ITIH6: variants seen among roughly 807,000 people sequenced by gnomAD.
ITIH6 encodes the protein inter-alpha-trypsin inhibitor heavy chain family member 6.
In ITIH6, 60 loss-of-function variants were observed where a neutral mutation model predicts 58.2. The observed-to-expected ratio is 1.03, with a 90% CI of 0.84 to 1.28. The LOEUF (loss-of-function observed/expected upper bound fraction) is 1.28, where lower values mean the gene tolerates loss of function less well. Among genes scored for constraint, ITIH6 ranks in the 50% most tolerant of loss-of-function variants. The probability of loss-of-function intolerance (pLI) is 0.00; values close to 1 mark genes in which losing one functional copy is unlikely to be tolerated. For missense variants in ITIH6, 1,290 were observed against 1,021.1 expected, an observed-to-expected ratio of 1.26 and a Z score of -3.59; for synonymous variants, 493 against 417.4, an observed-to-expected ratio of 1.18 and a Z score of -2.21.
intron 6 of ITIH6, among the ~76,000 whole-genome samples, chrX:54,761,756 G>T (rs1872023445): frequency 9.0e-6 from 1 of 110,881 alleles, no homozygotes; most frequent in African/African-American, 3.3e-5. Context: ...GTAGATGTGT[G>T]GTATTATTTC....
At chrX:54,767,356 A>AT (rs1200753667) in intron 6 of ITIH6, among the ~76,000 whole-genome samples, 9 of 107,580 alleles carry the variant, frequency 8.4e-5, no homozygotes, top group Admixed American at 2.0e-4. Flanking sequence ...GGATTCATTG[A>AT]TTTTTTGAAG....
Position 54,749,837 on chromosome X carries a change from T to C in ITIH6, c.*58A>G. The C allele has an allele frequency of 9.6e-7, 1 of 1,039,185 alleles. No homozygotes were observed. Among genetic ancestry groups the C allele is most frequent in the South Asian group, 2.2e-5 (1 of 46,426 alleles). The allele number at this position is 1,039,185 out of a possible 1,213,427, so 85.6% of individuals were successfully genotyped here. A position where few individuals can be genotyped will look rare whatever the true frequency, so the allele number is the denominator to read the frequency against. On this transcript the variant is annotated 3_prime_UTR_variant, in exon 13 of 13. Transcript: ENST00000218436. ...GGGTCTCTGTCCCTGGCTCACCCCA[T>C]GCCCTGGTTTCTGGATCTCCCAAAT...
intron 5 of ITIH6, among the ~76,000 whole-genome samples, chrX:54,775,444 C>T (rs1465733704): frequency 4.5e-5 from 5 of 110,394 alleles, no homozygotes; most frequent in Admixed American, 1.9e-4. Flanking sequence ...TGATTGCCCA[C>T]CCCACCCTTC....
intron 2 of ITIH6, among the ~76,000 whole-genome samples, chrX:54,792,386 T>C (rs1247743502): frequency 8.9e-6 from 1 of 111,936 alleles, no homozygotes; most frequent in Non-Finnish European, 1.9e-5. Context: ...AACCGAATAT[T>C]TTTATTATAA....
chrX:54,790,542 A>G (rs1346896800), intron 4 of ITIH6, among the ~76,000 whole-genome samples: 6 of 110,536 alleles, frequency 5.4e-5, no homozygotes, highest in Non-Finnish European at 1.1e-4. Context: ...CATATGATTT[A>G]ATTTCATTAG....
At position 54,758,141 on chromosome X, in the gene ITIH6, C is replaced by A. The variant is rs757787153; in HGVS notation, c.1933G>T (p.Val645Leu). 8.3e-7 allele frequency: 1 copy of A among 1,211,730 alleles called. No individual in the cohort carries two copies. The highest frequency in any genetic ancestry group is 1.8e-5 in the South Asian group (1 of 56,959). Residue 645 changes from valine to leucine, a missense_variant, in exon 8 of 13, where the codon GTA becomes TTA. Coordinates refer to ENST00000218436, the MANE Select transcript of ITIH6 (RefSeq NM_198510.3). ...PSSSSRHGLG[V>L]STAQPALVPK... is the part of the protein sequence containing the mutation. The stretch of plus-strand genomic sequence containing the variant: ...ACCAAGGCTGGCTGAGCTGTGCTTA[C>A]CCCTAGGCCATGCCTGCTGCTGGAT...
chrX:54,783,940 G>A (rs1929195793), intron 5 of ITIH6, among the ~76,000 whole-genome samples: 1 of 111,651 alleles, frequency 9.0e-6, no homozygotes. Flanking sequence ...CAAATTATAC[G>A]GCAGAGCTAT....
intron 5 of ITIH6, among the ~76,000 whole-genome samples, chrX:54,777,565 C>T (rs745521500): frequency 1.8e-5 from 2 of 112,102 alleles, no homozygotes; most frequent in Non-Finnish European, 3.8e-5. Flanking sequence ...CACAGGAGTG[C>T]TTGTGTCAAT....
In ITIH6 at chrX:54,757,787, C is replaced by T; in HGVS notation, c.2287G>A (p.Val763Met). 1 of 1,211,539 alleles carries T rather than the reference C, an allele frequency of 8.3e-7. No individual in the cohort carries two copies. The highest frequency in any genetic ancestry group is 1.7e-5 in the African/African-American group (1 of 57,772). Residue 763 changes from valine to methionine, a missense_variant, in exon 8 of 13, where the codon GTG becomes ATG. Coordinates refer to ENST00000218436, the MANE Select transcript of ITIH6 (RefSeq NM_198510.3). ...GGCGAGGCTGGGATGCCAGGTTTCA[C>T]AGGTGGGACTTGTGTCCTGGAGTTC... ...PTNSRTQVPP[V>M]KPGIPASPKA...
intron 5 of ITIH6, among the ~76,000 whole-genome samples, chrX:54,783,854 A>C (rs1320122191): frequency 8.9e-6 from 1 of 112,116 alleles, no homozygotes; most frequent in African/African-American, 3.2e-5. Context: ...TCTAAATGGA[A>C]CCAGAAAAGA....
At chrX:54,781,589 A>T (rs148440126) in intron 5 of ITIH6, among the ~76,000 whole-genome samples, 4 of 112,151 alleles carry the variant, frequency 3.6e-5, no homozygotes, top group African/African-American at 1.3e-4. Flanking sequence ...ACAACAGATG[A>T]AGGCAAGATT....
chrX:54,763,658 G>C (rs1016783430), intron 6 of ITIH6, among the ~76,000 whole-genome samples: 1 of 112,181 alleles, frequency 8.9e-6, no homozygotes, highest in Non-Finnish European at 1.9e-5. Context: ...GTTGAATAAA[G>C]TATTCTAGAA....
chrX:54,787,011 G>A (rs139776837), intron 5 of ITIH6, among the ~76,000 whole-genome samples: 2,086 of 111,106 alleles, frequency 0.019, 38 homozygotes, highest in African/African-American at 0.063. Flanking sequence ...AAGGGCTCAC[G>A]GTGCATGGGA....
rs760299702 is a variant in ITIH6 at position 54,751,135 on chromosome X, G to A, written c.3598C>T (p.Arg1200Cys). 28 of 1,208,358 alleles carry A rather than the reference G, an allele frequency of 2.3e-5. No individual in the cohort carries two copies. The highest frequency in any genetic ancestry group is 2.3e-4 in the South Asian group (13 of 56,341). Residue 1200 changes from arginine (R) to cysteine (C), a missense_variant, in exon 12 of 13, where the codon CGC becomes TGC. By Grantham distance (180) the Arg-to-Cys change is radical. Coordinates refer to ENST00000218436, the MANE Select transcript of ITIH6 (RefSeq NM_198510.3). ...YVAAAARLTL[R>C]LGPYLEFLVL... is the part of the protein sequence containing the mutation. ...AGGAACTCAAGGTAGGGCCCAAGGC[G>A]GAGGGTAAGGCGGGCTGCAGCAGCC... is the stretch of plus-strand genomic sequence containing the variant.
intron 6 of ITIH6, among the ~76,000 whole-genome samples, 185 bp from the exon 7 acceptor site, chrX:54,760,112 G>C (rs966400812): frequency 3.6e-5 from 4 of 112,013 alleles, no homozygotes; most frequent in Non-Finnish European, 7.5e-5. Context: ...GCATAGAACT[G>C]CACTGTTTAA....
chrX:54,765,574 T>A (rs1222362358), intron 6 of ITIH6, among the ~76,000 whole-genome samples: 2 of 107,311 alleles, frequency 1.9e-5, no homozygotes, highest in Non-Finnish European at 3.8e-5. Context: ...TAGTTGTAGG[T>A]AAGCGGCATT....
chrX:54,760,951 C>T (rs1189227386), intron 6 of ITIH6, among the ~76,000 whole-genome samples: 1 of 111,393 alleles, frequency 9.0e-6, no homozygotes, highest in East Asian at 2.8e-4. Context: ...GGGTATATAC[C>T]CAGAAATGGG....
intron 11 of ITIH6, among the ~76,000 whole-genome samples, chrX:54,753,238 T>C (rs1343271517): frequency 8.8e-6 from 1 of 113,080 alleles, no homozygotes; most frequent in East Asian, 2.8e-4. Flanking sequence ...TTAAATAATG[T>C]ATAAAATACT....
chrX:54,751,181 C>A lies in ITIH6; in HGVS notation c.3552G>T (p.Arg1184Ser). Residue 1184 changes from arginine to serine, a missense_variant, in exon 12 of 13, where the codon AGG becomes AGT. By Grantham distance (110) the Arg-to-Ser change is moderately radical. Coordinates refer to ENST00000218436, the MANE Select transcript of ITIH6 (RefSeq NM_198510.3). Reference protein sequence around the residue: ...LSWDQPALLKRPQLELYVAAA... With the variant: ...LSWDQPALLKSPQLELYVAAA... ...CAGCCACATAGAGCTCCAGCTGGGGCCTCTTCAGCAGGGCAGGTTGGTCCC... is the reference window on the plus strand; with the variant it reads ...CAGCCACATAGAGCTCCAGCTGGGGACTCTTCAGCAGGGCAGGTTGGTCCC... The A allele has an allele frequency of 5.0e-6, 6 of 1,211,543 alleles. No individual in the cohort carries two copies. Among genetic ancestry groups the A allele is most frequent in the Non-Finnish European group, 6.7e-6 (6 of 895,238 alleles).
Sources: allele counts gnomAD v4.1 joint callset (sites outside exome capture counted in the v4.1 genomes callset), GRCh38; gene constraint gnomAD v4.1.1; transcripts MANE v1.5; gene names NCBI Gene and HGNC (gene_info 2026-07-23, HGNC 2026-07-21).